POU6F2: variants seen among roughly 807,000 people sequenced by gnomAD.
POU6F2 encodes the protein POU domain, class 6, transcription factor 2.
POU6F2 carries 31 observed loss-of-function variants against 71.3 expected under a neutral mutation model. That is an observed-to-expected ratio of 0.43 (90% CI 0.33 to 0.59). The LOEUF is 0.59. Among genes scored for constraint, POU6F2 ranks in the 20% least tolerant of loss-of-function variants. The pLI is 0.04. For missense variants in POU6F2, 783 were observed against 856.8 expected (o/e 0.91, Z 1.07); for synonymous variants, 347 against 355.7 (o/e 0.98, Z 0.27).
intron 2 of POU6F2, among the ~76,000 whole-genome samples, chr7:39,135,345 G>T (rs562019772): frequency 6.6e-6 from 1 of 152,284 alleles, no homozygotes; most frequent in South Asian, 2.1e-4. Context: ...AGCCATTGTG[G>T]CATTTACTTT....
chr7:39,090,409 C>T (rs113268432), intron 2 of POU6F2, among the ~76,000 whole-genome samples: 3 of 152,160 alleles, frequency 2.0e-5, no homozygotes, highest in Non-Finnish European at 2.9e-5. Flanking sequence ...TGCAGGTCAG[C>T]GTGGAGGTCA....
At chr7:39,427,343 A>G (rs1192336270) in intron 6 of POU6F2, among the ~76,000 whole-genome samples, 1 of 152,222 alleles carries the variant, frequency 6.6e-6, no homozygotes, top group Non-Finnish European at 1.5e-5. Flanking sequence ...CCTTAAATCC[A>G]GCCAGTGGGG....
At chr7:39,340,048 G>C (rs1785881405) in intron 5 of POU6F2, 33 bp downstream of exon 5, 1 of 1,564,900 alleles carries the variant, frequency 6.4e-7, no homozygotes, top group South Asian at 1.2e-5. Flanking sequence ...CTGCCCCTAG[G>C]AGCACCAAGG....
chr7:39,194,442 C>A (rs967613856), intron 2 of POU6F2, among the ~76,000 whole-genome samples: 1 of 152,194 alleles, frequency 6.6e-6, no homozygotes, highest in African/African-American at 2.4e-5. Context: ...TTCTGTCTAG[C>A]TAAAGGATTG....
intron 4 of POU6F2, among the ~76,000 whole-genome samples, chr7:39,258,618 C>T (rs1784070306): frequency 6.6e-6 from 1 of 151,594 alleles, no homozygotes; most frequent in Non-Finnish European, 1.5e-5. Flanking sequence ...TGTTTAATAG[C>T]TTTTTTGACA....
At chr7:39,313,799 T>C (rs1318680937) in intron 4 of POU6F2, among the ~76,000 whole-genome samples, 1 of 152,208 alleles carries the variant, frequency 6.6e-6, no homozygotes, top group African/African-American at 2.4e-5. Context: ...TTTGAACACT[T>C]ACAGAAAGGT....
At chr7:39,230,206 A>G (rs1033093023) in intron 4 of POU6F2, among the ~76,000 whole-genome samples, 1 of 152,172 alleles carries the variant, frequency 6.6e-6, no homozygotes, top group South Asian at 2.1e-4. Context: ...TAGGCCAGGC[A>G]TGGTGGCTCA....
intron 4 of POU6F2, among the ~76,000 whole-genome samples, chr7:39,295,705 T>C (rs1784832786): frequency 6.6e-6 from 1 of 152,254 alleles, no homozygotes. Flanking sequence ...TATCTTGATA[T>C]CAAGAAGGCA....
rs940214867 is a variant in POU6F2, at chr7:39,465,206, A to G, written c.*520A>G. 6.5e-6 allele frequency: 1 copy of G among 152,836 alleles called. No individual in the cohort carries two copies. Among genetic ancestry groups the G allele is most frequent in the African/African-American group, 2.4e-5 (1 of 41,472 alleles). The allele number at this position is 152,836 out of a possible 1,614,324, so 9.5% of individuals were successfully genotyped here. ...TAAGTGCTGATTCACTATGAAACCT[A>G]TTAACCAAAGTCAGAAACATGGCAT... On this transcript the variant is annotated 3_prime_UTR_variant, in exon 10 of 10. Coordinates refer to ENST00000518318, the MANE Select transcript of POU6F2 (RefSeq NM_001370959.1).
At chr7:39,326,963 T>G (rs1488342563) in intron 4 of POU6F2, among the ~76,000 whole-genome samples, 1 of 152,170 alleles carries the variant, frequency 6.6e-6, no homozygotes, top group Non-Finnish European at 1.5e-5. Context: ...TGAAATACTT[T>G]GCCTTCATGA....
rs952838899 is a variant in POU6F2 at position 39,253,996 on chromosome 7, C to T, written c.598+46376C>T. Reference sequence around the variant, plus strand: ...TTTGAAAGTCAGGACACTTAAGGGCCATTGGAAAATCAGTACAAGGAGAGT... The same window carrying T: ...TTTGAAAGTCAGGACACTTAAGGGCTATTGGAAAATCAGTACAAGGAGAGT... On this transcript the variant is annotated intron_variant, in intron 4 of 9. Coordinates refer to ENST00000518318, the MANE Select transcript of POU6F2 (RefSeq NM_001370959.1). Among the ~76,000 whole-genome samples, 3 of 152,230 alleles carry T rather than the reference C, an allele frequency of 2.0e-5. No homozygotes were observed. In the East Asian group the frequency reaches 5.8e-4, roughly 29 times the overall value.
At chr7:39,159,250 G>T (rs1382450845) in intron 2 of POU6F2, among the ~76,000 whole-genome samples, 1 of 152,016 alleles carries the variant, frequency 6.6e-6, no homozygotes, top group Admixed American at 6.6e-5. Context: ...TTTTCTATAG[G>T]ATTATGTTCT....
intron 2 of POU6F2, among the ~76,000 whole-genome samples, chr7:39,087,153 TTAATTA>T (rs370670858): frequency 0.11 from 15,541 of 138,682 alleles, 915 homozygotes; most frequent in Middle Eastern, 0.19. Flanking sequence ...TATTAATTAA[TTAATTA>T]ATTTATTTAT....
chr7:39,345,018 T>C (rs1786001716), intron 5 of POU6F2, among the ~76,000 whole-genome samples: 1 of 152,152 alleles, frequency 6.6e-6, no homozygotes, highest in African/African-American at 2.4e-5. Context: ...CAGATAATGT[T>C]TGAATGAAAT....
chr7:39,360,235 T>G (rs1786349736), intron 5 of POU6F2, among the ~76,000 whole-genome samples: 1 of 152,200 alleles, frequency 6.6e-6, no homozygotes, highest in East Asian at 1.9e-4. Context: ...GTGCTCCTTT[T>G]GAGATATACT....
In POU6F2 at chr7:39,430,767, A is replaced by C. The variant is rs372793547; in HGVS notation, c.1114-2310A>C. Among the ~76,000 whole-genome samples the C allele has an allele frequency of 1.9e-3, 289 of 152,232 alleles. 1 individual carries two copies. Among genetic ancestry groups the C allele is most frequent in the African/African-American group, 6.4e-3 (267 of 41,544 alleles). On this transcript the variant is annotated intron_variant, in intron 6 of 9. Coordinates refer to ENST00000518318, the MANE Select transcript of POU6F2 (RefSeq NM_001370959.1). ...TAATCGCACCGACACCCTGCCCCAA[A>C]CAGGACCCACAGCCCTGCCCCGTAG...
chr7:39,138,226 G>T (rs952055875), intron 2 of POU6F2, among the ~76,000 whole-genome samples: 1 of 152,110 alleles, frequency 6.6e-6, no homozygotes, highest in African/African-American at 2.4e-5. Context: ...AAATAAATTA[G>T]GTGATGCAAA....
chr7:39,424,301 C>T (rs530266413), intron 6 of POU6F2, among the ~76,000 whole-genome samples: 4 of 152,290 alleles, frequency 2.6e-5, no homozygotes, highest in South Asian at 2.1e-4. Flanking sequence ...CTGGAGATAA[C>T]ATTTTGCACA....
intron 8 of POU6F2, among the ~76,000 whole-genome samples, chr7:39,453,599 C>G (rs1379845206): frequency 6.6e-6 from 1 of 152,206 alleles, no homozygotes; most frequent in Non-Finnish European, 1.5e-5. Flanking sequence ...GATGGGCAGA[C>G]AGCAGACAGT....
Sources: gnomAD v4.1 joint callset for allele counts (sites outside exome capture counted in the v4.1 genomes callset) on GRCh38, gnomAD v4.1.1 for gene constraint, MANE v1.5 for transcripts, NCBI Gene and HGNC (gene_info 2026-07-23, HGNC 2026-07-21) for gene names.